The following CD44 variants were observed in gnomAD, a reference collection of about 807,000 sequenced individuals.
CD44 encodes CD44 antigen.
In CD44, 49 loss-of-function variants were observed where a neutral mutation model predicts 88.8. That is an observed-to-expected ratio of 0.55 (90% CI 0.44 to 0.70). The LOEUF (loss-of-function observed/expected upper bound fraction) is 0.70, where lower values mean the gene tolerates loss of function less well. Ranked by LOEUF, CD44 falls within the 30% of genes least tolerant of loss-of-function variation. The pLI, the probability that CD44 is intolerant of heterozygous loss-of-function variation, is 0.00. For missense variants in CD44, 883 were observed against 913.8 expected, an observed-to-expected ratio of 0.97 and a Z score of 0.43; for synonymous variants, 325 against 312.3, an observed-to-expected ratio of 1.04 and a Z score of -0.43.
chr11:35,141,415 A>T (rs1857907936), intron 1 of CD44, among the ~76,000 whole-genome samples: 1 of 152,204 alleles, frequency 6.6e-6, no homozygotes, highest in African/African-American at 2.4e-5. Flanking sequence ...AACATTCAGG[A>T]TGGGAGAGAA....
chr11:35,207,281 A>G (rs1947957883), intron 11 of CD44, among the ~76,000 whole-genome samples: 1 of 152,220 alleles, frequency 6.6e-6, no homozygotes, highest in Non-Finnish European at 1.5e-5. Flanking sequence ...GGTACCCAGT[A>G]TTCTGGTGCT....
In CD44 at chr11:35,190,627, C is replaced by T. The variant is rs181265572; in HGVS notation, c.667+562C>T. ...TTCCAATAATGGAACAGTAGGCATA[C>T]GTGGGTCAACTGTGGCTTTTTATGT... On this transcript the variant is annotated intron_variant, in intron 5 of 17. Coordinates refer to ENST00000428726, the MANE Select transcript of CD44 (RefSeq NM_000610.4). Among the ~76,000 whole-genome samples the T allele has an allele frequency of 2.5e-4, 38 of 152,304 alleles. No homozygotes were observed. In the East Asian group the frequency reaches 2.7e-3, roughly 11 times the overall value.
At chr11:35,215,952 A>G (rs1948799543) in intron 15 of CD44, among the ~76,000 whole-genome samples, 1 of 150,256 alleles carries the variant, frequency 6.7e-6, no homozygotes, top group East Asian at 1.9e-4. Flanking sequence ...GAACTCATTC[A>G]GTCATCCTAT....
intron 1 of CD44, among the ~76,000 whole-genome samples, chr11:35,167,882 G>C (rs1250266556): frequency 6.6e-6 from 1 of 152,232 alleles, no homozygotes; most frequent in Admixed American, 6.5e-5. Flanking sequence ...CATTCAGGCT[G>C]TAAAGGGCAG....
intron 17 of CD44, chr11:35,223,261 T>G (rs1949448588): frequency 1.0e-6 from 1 of 985,288 alleles, no homozygotes; most frequent in African/African-American, 1.7e-5. Context: ...TCTTTATACC[T>G]CCCTTCAGCT....
intron 14 of CD44, among the ~76,000 whole-genome samples, chr11:35,211,955 T>C (rs1948435146): frequency 6.6e-6 from 1 of 152,184 alleles, no homozygotes; most frequent in Non-Finnish European, 1.5e-5. Context: ...TCAGTTTTAC[T>C]TTTGGTGATG....
chr11:35,210,652 T>C (rs979931118), intron 13 of CD44: 1 of 153,158 alleles, frequency 6.5e-6, no homozygotes, highest in African/African-American at 2.4e-5. Context: ...TCAGTTCTTT[T>C]GCAGTGTGAT....
rs1238297753 is a variant in CD44, at chr11:35,230,884, C to T, written c.*1551C>T. The T allele has an allele frequency of 6.6e-6, 1 of 152,258 alleles. No homozygotes were observed. The highest frequency in any genetic ancestry group is 2.4e-5 in the African/African-American group (1 of 41,452). The allele number at this position is 152,258 out of a possible 1,614,324, so 9.4% of individuals were successfully genotyped here. On this transcript the variant is annotated 3_prime_UTR_variant, in exon 18 of 18. Coordinates refer to ENST00000428726, the MANE Select transcript of CD44 (RefSeq NM_000610.4). ...CCTTTCTGAGGCTCCTACTAAAAGT[C>T]ATTTGTTACCTAAACTTATGTGCTT...
chr11:35,215,929 G>C (rs1220298543), intron 15 of CD44, among the ~76,000 whole-genome samples: 1 of 149,406 alleles, frequency 6.7e-6, no homozygotes, highest in Non-Finnish European at 1.5e-5. Context: ...AATTCATAGA[G>C]TTTATCTAGT....
intron 1 of CD44, among the ~76,000 whole-genome samples, chr11:35,158,573 T>C (rs944748455): frequency 6.6e-6 from 1 of 152,216 alleles, no homozygotes; most frequent in African/African-American, 2.4e-5. Context: ...ACAGTCATAA[T>C]TAAGGTCATT....
chr11:35,165,957 T>C (rs567622308), intron 1 of CD44, among the ~76,000 whole-genome samples: 281 of 152,264 alleles, frequency 1.8e-3, no homozygotes, highest in Non-Finnish European at 3.3e-3. Flanking sequence ...GCTAAGCAGT[T>C]CCACAAAATG....
At chr11:35,170,218 C>G (rs889026252) in intron 1 of CD44, among the ~76,000 whole-genome samples, 4 of 152,198 alleles carry the variant, frequency 2.6e-5, no homozygotes, top group African/African-American at 9.7e-5. Flanking sequence ...CCTGTGTCAC[C>G]TAAAGTGAGT....
chr11:35,190,886 T>C (rs1005533222), intron 5 of CD44, among the ~76,000 whole-genome samples: 2 of 152,238 alleles, frequency 1.3e-5, no homozygotes, highest in Non-Finnish European at 2.9e-5. Context: ...AGTGGAAGTA[T>C]GTAAACATTG....
At chr11:35,152,882 G>A (rs940070209) in intron 1 of CD44, among the ~76,000 whole-genome samples, 1 of 152,190 alleles carries the variant, frequency 6.6e-6, no homozygotes, top group Non-Finnish European at 1.5e-5. Flanking sequence ...GTGGGAATGG[G>A]ATAATCATCA....
chr11:35,166,500 G>A (rs942456429), intron 1 of CD44, among the ~76,000 whole-genome samples: 3 of 152,200 alleles, frequency 2.0e-5, no homozygotes, highest in Admixed American at 2.0e-4. Flanking sequence ...GAGCTTTCTA[G>A]GCTGTGCATT....
At chr11:35,161,026 T>G (rs1942530268) in intron 1 of CD44, among the ~76,000 whole-genome samples, 1 of 152,200 alleles carries the variant, frequency 6.6e-6, no homozygotes, top group African/African-American at 2.4e-5. Flanking sequence ...CTCCTAATTA[T>G]CAGGAAGCCT....
At chr11:35,169,083 T>G (rs1943600943) in intron 1 of CD44, among the ~76,000 whole-genome samples, 1 of 152,152 alleles carries the variant, frequency 6.6e-6, no homozygotes, top group African/African-American at 2.4e-5. Context: ...AGATATGATG[T>G]GGGAAAGGAA....
At chr11:35,216,483 C>A (rs1009544210) in intron 15 of CD44, among the ~76,000 whole-genome samples, 7 of 152,172 alleles carry the variant, frequency 4.6e-5, no homozygotes, top group Admixed American at 1.3e-4. Context: ...GTGGCTTCCA[C>A]AATAACTCTC....
rs1950093184 is a variant in CD44, at chr11:35,232,216, T to C, written c.*2883T>C. On this transcript the variant is annotated 3_prime_UTR_variant, in exon 18 of 18. Transcript: ENST00000428726. ...TTTTCAAAGAATAGCCCATTGTTCA[T>C]TCTTGTGCTGTACAATGACCACTGT... 6.5e-6 allele frequency: 1 copy of C among 152,672 alleles called. No individual in the cohort carries two copies. The highest frequency in any genetic ancestry group is 2.1e-4 in the South Asian group (1 of 4,834). The allele number at this position is 152,672 out of a possible 1,614,324, so 9.5% of individuals were successfully genotyped here. A position where few individuals can be genotyped will look rare whatever the true frequency, so the allele number is the denominator to read the frequency against.
Sources: allele counts gnomAD v4.1 joint callset (sites outside exome capture counted in the v4.1 genomes callset), GRCh38; gene constraint gnomAD v4.1.1; transcripts MANE v1.5; gene names NCBI Gene and HGNC (gene_info 2026-07-23, HGNC 2026-07-21).